The following SENP7 variants were observed in gnomAD, a reference collection of about 807,000 sequenced individuals.
SENP7 encodes sentrin-specific protease 7.
In SENP7, 64 loss-of-function variants were observed where a neutral mutation model predicts 141.2. That is an observed-to-expected ratio of 0.45 (90% CI 0.37 to 0.56). The LOEUF (loss-of-function observed/expected upper bound fraction) is 0.56, where lower values mean the gene tolerates loss of function less well. Ranked by LOEUF, SENP7 falls within the 20% of genes least tolerant of loss-of-function variation. SENP7 has a pLI of 0.00. For synonymous variants in SENP7, 382 were observed against 426.4 expected (o/e 0.90, Z 1.28); for missense variants, 1,025 against 1,212.2 (o/e 0.85, Z 2.29).
At chr3:101,393,131 A>C (rs923698756) in intron 6 of SENP7, among the ~76,000 whole-genome samples, 3 of 152,212 alleles carry the variant, frequency 2.0e-5, no homozygotes, top group Admixed American at 1.3e-4. Context: ...TGGAAAAACT[A>C]AATACCCATA....
chr3:101,372,241 C>T (rs1037954777), intron 6 of SENP7, 115 bp from the exon 7 acceptor site: 45 of 470,860 alleles, frequency 9.6e-5, no homozygotes, highest in South Asian at 4.0e-4. Context: ...ACATGGCAGA[C>T]TATAAGATCT....
At chr3:101,458,892 G>C in intron 4 of SENP7, 63 bp downstream of exon 4, 1 of 975,766 alleles carries the variant, frequency 1.0e-6, no homozygotes, top group East Asian at 2.4e-5. Context: ...AAGCTTAAAT[G>C]AATCATTTAT....
In SENP7 at chr3:101,511,970, C is replaced by G. The variant is rs1470295751; in HGVS notation, c.40+1121G>C. ...GAGTAGCTGGGACTACAGGCGCCCGCCACCACGCCCGGCTAATTTTTTGCA... is the reference window on the plus strand; with the variant it reads ...GAGTAGCTGGGACTACAGGCGCCCGGCACCACGCCCGGCTAATTTTTTGCA... On this transcript the variant is annotated intron_variant, in intron 1 of 23. Transcript: ENST00000394095. Among the ~76,000 whole-genome samples, 3 of 152,190 alleles carry G rather than the reference C, an allele frequency of 2.0e-5. No individual in the cohort carries two copies. The East Asian group carries it at 5.8e-4, about 29-fold the overall frequency.
chr3:101,331,840 A>T, intron 19 of SENP7, 145 bp downstream of exon 19: 1 of 778,480 alleles, frequency 1.3e-6, no homozygotes, highest in Non-Finnish European at 2.0e-6. Flanking sequence ...GTCTATCATT[A>T]AAAATTTCAG....
At chr3:101,363,177 T>C in intron 10 of SENP7, 4 of 871,468 alleles carry the variant, frequency 4.6e-6, no homozygotes, top group Non-Finnish European at 5.5e-6. Flanking sequence ...TTGCTTAGTA[T>C]ACTATTAATA....
intron 5 of SENP7, chr3:101,414,636 G>A (rs2061556390): frequency 3.3e-6 from 5 of 1,529,612 alleles, no homozygotes; most frequent in Non-Finnish European, 4.5e-6. Context: ...GGAAATAAAA[G>A]TCTTTGCCAG....
intron 23 of SENP7, among the ~76,000 whole-genome samples, chr3:101,327,157 G>A (rs959983531): frequency 6.6e-6 from 1 of 151,742 alleles, no homozygotes; most frequent in Non-Finnish European, 1.5e-5. Context: ...ATCACCTGTG[G>A]TTCTATTTCT....
At chr3:101,328,143 A>C (rs971716627) in intron 22 of SENP7, among the ~76,000 whole-genome samples, 5 of 152,186 alleles carry the variant, frequency 3.3e-5, no homozygotes, top group Admixed American at 3.3e-4. Flanking sequence ...TTACACATAC[A>C]TACATATACA....
chr3:101,393,230 A>G (rs2060865306), intron 6 of SENP7, among the ~76,000 whole-genome samples: 2 of 152,182 alleles, frequency 1.3e-5, no homozygotes, highest in Non-Finnish European at 1.5e-5. Context: ...AGACCTGAAA[A>G]TGTAAAATTT....
intron 18 of SENP7, among the ~76,000 whole-genome samples, chr3:101,332,515 T>G (rs2059083607): frequency 6.6e-6 from 1 of 152,104 alleles, no homozygotes; most frequent in Non-Finnish European, 1.5e-5. Context: ...CAAAAAAACA[T>G]TCAATGTCTC....
At chr3:101,438,845 G>A (rs1259471799) in intron 4 of SENP7, among the ~76,000 whole-genome samples, 1 of 151,998 alleles carries the variant, frequency 6.6e-6, no homozygotes. Flanking sequence ...CGCCGCCCGG[G>A]AGGCAGCGGC....
intron 5 of SENP7, among the ~76,000 whole-genome samples, chr3:101,409,982 A>C (rs1050362081): frequency 6.6e-6 from 1 of 152,190 alleles, no homozygotes; most frequent in Non-Finnish European, 1.5e-5. Context: ...AGGAACAGTC[A>C]GCAGAGTAAA....
chr3:101,507,615 T>C (rs1043873556), intron 1 of SENP7, among the ~76,000 whole-genome samples: 14 of 152,042 alleles, frequency 9.2e-5, no homozygotes, highest in African/African-American at 3.1e-4. Flanking sequence ...CTCCCACTTA[T>C]AAAACAGAAG....
intron 4 of SENP7, chr3:101,458,689 T>C (rs1359801895): frequency 4.5e-6 from 1 of 222,454 alleles, no homozygotes; most frequent in Non-Finnish European, 8.8e-6. Context: ...TCGCAAACAA[T>C]GATTCAATCA....
At chr3:101,493,513 G>C (rs573128965) in intron 3 of SENP7, among the ~76,000 whole-genome samples, 2 of 152,272 alleles carry the variant, frequency 1.3e-5, no homozygotes, top group Non-Finnish European at 2.9e-5. Flanking sequence ...TTGAAATATA[G>C]TTATATTACT....
At chr3:101,469,407 T>C (rs1264339348) in intron 3 of SENP7, among the ~76,000 whole-genome samples, 2 of 152,146 alleles carry the variant, frequency 1.3e-5, no homozygotes, top group East Asian at 1.9e-4. Flanking sequence ...ACAGACCTAA[T>C]AGACATCTAC....
At chr3:101,453,417 C>G (rs1476857090) in intron 4 of SENP7, among the ~76,000 whole-genome samples, 2 of 152,092 alleles carry the variant, frequency 1.3e-5, no homozygotes, top group African/African-American at 2.4e-5. Context: ...ACGTGCACAC[C>G]TATGTTTATT....
At chr3:101,331,787 T>C (rs2059061854) in intron 19 of SENP7, among the ~76,000 whole-genome samples, 198 bp downstream of exon 19, 2 of 152,130 alleles carry the variant, frequency 1.3e-5, no homozygotes, top group South Asian at 4.1e-4. Context: ...TTAAGTGCCA[T>C]AATAAAACTT....
intron 6 of SENP7, among the ~76,000 whole-genome samples, chr3:101,387,298 A>G (rs566473636): frequency 6.6e-6 from 1 of 152,294 alleles, no homozygotes; most frequent in East Asian, 1.9e-4. Context: ...GAGAGGCCTG[A>G]CAATAGGCCT....
Sources: allele counts gnomAD v4.1 joint callset (sites outside exome capture counted in the v4.1 genomes callset), GRCh38; gene constraint gnomAD v4.1.1; transcripts MANE v1.5; gene names NCBI Gene and HGNC (gene_info 2026-07-23, HGNC 2026-07-21).